Variants in CNTN5 observed in about 807,000 individuals in gnomAD.
The protein encoded by CNTN5 is contactin-5.
Under a neutral mutation model 129.1 loss-of-function variants are expected in CNTN5, and 77 were observed. The ratio of observed to expected loss-of-function variants is 0.60; its 90% confidence interval spans 0.50 to 0.72. CNTN5 has a LOEUF of 0.72. CNTN5 is among the 30% of genes least tolerant of loss of function. The pLI is 0.00. For missense variants in CNTN5, 1,478 were observed against 1,328.8 expected (o/e 1.11, Z -1.75); for synonymous variants, 509 against 465.6 (o/e 1.09, Z -1.20).
chr11:99,452,360 C>T (rs1168506218), intron 2 of CNTN5, among the ~76,000 whole-genome samples: 3 of 144,738 alleles, frequency 2.1e-5, no homozygotes, highest in Non-Finnish European at 4.5e-5. Context: ...AAGTTTATAT[C>T]TAAACACAGG....
At chr11:100,167,202 A>T (rs1208633568) in intron 13 of CNTN5, among the ~76,000 whole-genome samples, 2 of 151,856 alleles carry the variant, frequency 1.3e-5, no homozygotes, top group Non-Finnish European at 1.5e-5. Context: ...ACAAAAAAAA[A>T]TTAAAGTAAC....
chr11:100,233,916 C>T (rs577901810), intron 16 of CNTN5, among the ~76,000 whole-genome samples: 12 of 151,874 alleles, frequency 7.9e-5, no homozygotes, highest in Non-Finnish European at 1.8e-4. Flanking sequence ...TGACAAAGGG[C>T]TAATATCCAG....
chr11:100,351,403 C>T (rs979191634), intron 24 of CNTN5, among the ~76,000 whole-genome samples: 1 of 151,336 alleles, frequency 6.6e-6, no homozygotes, highest in African/African-American at 2.4e-5. Context: ...AAGTGCTTTA[C>T]ATACATCATC....
chr11:99,983,337 G>A (rs927779526), intron 8 of CNTN5, among the ~76,000 whole-genome samples: 16 of 152,178 alleles, frequency 1.1e-4, no homozygotes, highest in Non-Finnish European at 2.2e-4. Context: ...ATGGAGTGGA[G>A]AAAAGTGTTG....
chr11:99,293,879 CT>C (rs1222527075), intron 1 of CNTN5, among the ~76,000 whole-genome samples: 2 of 151,790 alleles, frequency 1.3e-5, no homozygotes, highest in Non-Finnish European at 2.9e-5. Flanking sequence ...ATTCATTGAT[CT>C]TTTGTAATTT....
intron 3 of CNTN5, among the ~76,000 whole-genome samples, chr11:99,783,588 A>G (rs867189688): frequency 4.1e-4 from 47 of 114,822 alleles, no homozygotes; most frequent in Non-Finnish European, 6.9e-4. Context: ...CAACAATGAT[A>G]GACTGGATTA....
chr11:99,655,360 AT>A (rs1239158334), intron 3 of CNTN5, among the ~76,000 whole-genome samples: 1 of 152,150 alleles, frequency 6.6e-6, no homozygotes, highest in East Asian at 1.9e-4. Flanking sequence ...CTAAGTTATG[AT>A]TATATTTCTG....
At chr11:99,209,699 T>TAGA (rs933068781) in intron 1 of CNTN5, among the ~76,000 whole-genome samples, 4 of 152,132 alleles carry the variant, frequency 2.6e-5, no homozygotes, top group Non-Finnish European at 4.4e-5. Context: ...ATATCATGAA[T>TAGA]AGACAGTCAT....
At chr11:99,607,360 A>T (rs1381605966) in intron 3 of CNTN5, among the ~76,000 whole-genome samples, 1 of 147,880 alleles carries the variant, frequency 6.8e-6, no homozygotes, top group Non-Finnish European at 1.5e-5. Context: ...GCTCACCATC[A>T]CTGGCCATCA....
intron 1 of CNTN5, among the ~76,000 whole-genome samples, chr11:99,280,515 C>T (rs754927451): frequency 2.0e-5 from 3 of 151,308 alleles, no homozygotes; most frequent in African/African-American, 7.3e-5. Flanking sequence ...AATTCAATTG[C>T]CAGCAAGAAA....
At chr11:99,971,867 C>T (rs1441158817) in intron 8 of CNTN5, among the ~76,000 whole-genome samples, 2 of 150,602 alleles carry the variant, frequency 1.3e-5, no homozygotes, top group East Asian at 3.9e-4. Flanking sequence ...TTTTAAAAGT[C>T]TGCATAAATT....
intron 3 of CNTN5, among the ~76,000 whole-genome samples, chr11:99,768,278 C>G (rs1206425324): frequency 6.6e-6 from 1 of 151,998 alleles, no homozygotes; most frequent in African/African-American, 2.4e-5. Context: ...TATATGTACA[C>G]AAATATGCTT....
chr11:99,756,916 T>G (rs1234807078), intron 3 of CNTN5, among the ~76,000 whole-genome samples: 23 of 87,526 alleles, frequency 2.6e-4, no homozygotes, highest in East Asian at 2.7e-3. Flanking sequence ...ATAGAGGGTT[T>G]TTTTTTTTTT....
chr11:100,001,610 C>T (rs1239906796), intron 8 of CNTN5, among the ~76,000 whole-genome samples: 1 of 152,276 alleles, frequency 6.6e-6, no homozygotes, highest in East Asian at 1.9e-4. Context: ...TCTTTTGTTA[C>T]TCCCACAATA....
chr11:99,437,171 A>C (rs1943631947), intron 2 of CNTN5, among the ~76,000 whole-genome samples: 1 of 152,240 alleles, frequency 6.6e-6, no homozygotes, highest in African/African-American at 2.4e-5. Context: ...GAGACCTAGT[A>C]CTTTACGTGG....
chr11:99,671,886 A>G (rs1205386483), intron 3 of CNTN5, among the ~76,000 whole-genome samples: 2 of 152,184 alleles, frequency 1.3e-5, no homozygotes, highest in Non-Finnish European at 2.9e-5. Context: ...GTGCGCACGC[A>G]TACATAATAA....
intron 21 of CNTN5, among the ~76,000 whole-genome samples, chr11:100,330,015 A>ACTT: frequency 6.6e-6 from 1 of 152,210 alleles, no homozygotes; most frequent in East Asian, 1.9e-4. Flanking sequence ...CAGAAGGTCA[A>ACTT]TTACTAAGAC....
At chr11:99,963,040 T>C (rs1950993620) in intron 8 of CNTN5, among the ~76,000 whole-genome samples, 2 of 152,328 alleles carry the variant, frequency 1.3e-5, no homozygotes, top group South Asian at 4.1e-4. Context: ...TTGAGTTCAT[T>C]GTAGATTCTG....
chr11:99,569,374 C>T (rs12791207), intron 3 of CNTN5, among the ~76,000 whole-genome samples: 117 of 152,006 alleles, frequency 7.7e-4, no homozygotes, highest in Non-Finnish European at 1.3e-3. Flanking sequence ...AGGGCAGTGG[C>T]GCAATGTGGC....
Sources: allele counts gnomAD v4.1 joint callset (sites outside exome capture counted in the v4.1 genomes callset), GRCh38; gene constraint gnomAD v4.1.1; transcripts MANE v1.5; gene names NCBI Gene and HGNC (gene_info 2026-07-23, HGNC 2026-07-21).